NDUFA10: variants seen among roughly 807,000 people sequenced by gnomAD.
NDUFA10 encodes NADH dehydrogenase [ubiquinone] 1 alpha subcomplex subunit 10, mitochondrial.
NDUFA10 carries 40 observed loss-of-function variants against 47.8 expected under a neutral mutation model. The observed-to-expected ratio is 0.84, with a 90% CI of 0.65 to 1.09. The LOEUF (loss-of-function observed/expected upper bound fraction) is 1.09. Ranked by LOEUF, NDUFA10 falls within the 50% of genes least tolerant of loss-of-function variation. The probability of loss-of-function intolerance (pLI) is 0.00; values close to 1 mark genes in which losing one functional copy is unlikely to be tolerated. For missense variants in NDUFA10, 413 were observed against 451.1 expected, an observed-to-expected ratio of 0.92 and a Z score of 0.76; for synonymous variants, 183 against 172.2, an observed-to-expected ratio of 1.06 and a Z score of -0.49.
At chr2:239,952,162 T>A (rs1003680491) in intron 4 of NDUFA10, among the ~76,000 whole-genome samples, 17 of 140,172 alleles carry the variant, frequency 1.2e-4, no homozygotes, top group Non-Finnish European at 2.1e-4. Flanking sequence ...CGTCCTGGAA[T>A]GGGGGCTTGG....
intron 9 of NDUFA10, among the ~76,000 whole-genome samples, chr2:239,972,372 CCTCT>C (rs1490045938): frequency 6.6e-6 from 1 of 152,062 alleles, no homozygotes; most frequent in African/African-American, 2.4e-5. Context: ...GACTGGCTCC[CCTCT>C]CTCTAGATGC....
intron 4 of NDUFA10, among the ~76,000 whole-genome samples, chr2:239,922,513 G>A (rs538184274): frequency 1.3e-5 from 2 of 152,338 alleles, no homozygotes; most frequent in South Asian, 4.1e-4. Context: ...TTCTCGGATA[G>A]TGACCATGTG....
In NDUFA10 at chr2:239,960,715, G is replaced by T; in HGVS notation, c.*403C>A. On this transcript the variant is annotated 3_prime_UTR_variant, in exon 10 of 10. Coordinates refer to ENST00000252711, the MANE Select transcript of NDUFA10 (RefSeq NM_004544.4). ...GTGTGCAGTTTCGACGTGCCCGCAC[G>T]CACATAGACGTACGATGGGGAAATT... The T allele has an allele frequency of 8.6e-7, 1 of 1,169,514 alleles. No homozygotes were observed. The highest frequency in any genetic ancestry group is 1.8e-5 in the South Asian group (1 of 56,112). The allele number at this position is 1,169,514 out of a possible 1,614,324, so 72.4% of individuals were successfully genotyped here. A position where few individuals can be genotyped will look rare whatever the true frequency, so the allele number is the denominator to read the frequency against.
At chr2:239,934,821 G>C (rs1293235596) in intron 4 of NDUFA10, among the ~76,000 whole-genome samples, 1 of 152,046 alleles carries the variant, frequency 6.6e-6, no homozygotes, top group Non-Finnish European at 1.5e-5. Flanking sequence ...GCATGGACCA[G>C]CCACCTCCGC....
rs570086172 is a variant in NDUFA10, at chr2:240,014,971, G to A, written c.548-111C>T. 86 of 1,456,136 alleles carry A rather than the reference G, an allele frequency of 5.9e-5. 2 individuals are homozygous for A. In the South Asian group the frequency reaches 7.6e-4, roughly 13 times the overall value. The allele number at this position is 1,456,136 out of a possible 1,614,324, so 90.2% of individuals were successfully genotyped here. A position where few individuals can be genotyped will look rare whatever the true frequency, so the allele number is the denominator to read the frequency against. Reference sequence around the variant, plus strand: ...ACATACACGCAATTCTCAAAGCCACGTACCAATCTACAAACCCTATCTCGG... The same window carrying A: ...ACATACACGCAATTCTCAAAGCCACATACCAATCTACAAACCCTATCTCGG... On this transcript the variant is annotated intron_variant, in intron 4 of 9. Coordinates refer to ENST00000252711, the MANE Select transcript of NDUFA10 (RefSeq NM_004544.4).
At chr2:239,946,952 C>T (rs1006610913) in intron 4 of NDUFA10, among the ~76,000 whole-genome samples, 12 of 152,210 alleles carry the variant, frequency 7.9e-5, no homozygotes, top group South Asian at 2.1e-4. Context: ...ACAGGGTTGG[C>T]GGAAGGAGGG....
chr2:239,953,345 T>G (rs1287801702), downstream of NDUFA10, among the ~76,000 whole-genome samples: 3 of 152,222 alleles, frequency 2.0e-5, no homozygotes, highest in African/African-American at 7.2e-5. Context: ...GGACCAGCCC[T>G]GCTGACACCT....
At chr2:239,911,295 C>T (rs748483830) in intron 4 of NDUFA10, among the ~76,000 whole-genome samples, 22 of 152,124 alleles carry the variant, frequency 1.4e-4, no homozygotes, top group African/African-American at 3.4e-4. Flanking sequence ...AGGAAATTTG[C>T]GTCCCCCAGG....
At chr2:239,910,207 G>A (rs141342730) in intron 4 of NDUFA10, among the ~76,000 whole-genome samples, 5,256 of 152,176 alleles carry the variant, frequency 0.035, 230 homozygotes, top group East Asian at 0.1. Flanking sequence ...CAGCAATCCT[G>A]TTACTGCATA....
intron 5 of NDUFA10, among the ~76,000 whole-genome samples, chr2:239,894,686 C>T (rs575032710): frequency 6.6e-6 from 1 of 152,184 alleles, no homozygotes; most frequent in Non-Finnish European, 1.5e-5. Context: ...CTGCATTCCT[C>T]CGTCTCTGTG....
intron 4 of NDUFA10, among the ~76,000 whole-genome samples, chr2:239,934,914 C>T (rs1185650068): frequency 6.6e-6 from 1 of 152,238 alleles, no homozygotes; most frequent in African/African-American, 2.4e-5. Context: ...CAAGCTCCCA[C>T]TGGGGCCTAG....
chr2:240,025,298 C>CCATG lies in NDUFA10; in HGVS notation c.-1_3dup (p.Ala2HisfsTer30). 1 of 1,505,958 alleles carries CCATG rather than the reference C, an allele frequency of 6.6e-7. No individual in the cohort carries two copies. The highest frequency in any genetic ancestry group is 8.8e-7 in the Non-Finnish European group (1 of 1,130,944). The allele number at this position is 1,505,958 out of a possible 1,614,324, so 93.3% of individuals were successfully genotyped here. The stretch of plus-strand genomic sequence containing the variant: ...GCTGCCAGCTTCAGGAGCCGCAAGG[C>CCATG]CATGGCTACCCGGTCAGCTCAGGAT... On this transcript the variant is annotated frameshift_variant, in exon 1 of 10. Coordinates refer to ENST00000252711, the MANE Select transcript of NDUFA10 (RefSeq NM_004544.4). LOFTEE classifies it high-confidence loss of function.
chr2:239,903,039 C>T (rs6732040), intron 4 of NDUFA10, among the ~76,000 whole-genome samples: 2,413 of 152,274 alleles, frequency 0.016, 35 homozygotes, highest in Non-Finnish European at 0.027. Context: ...AAGGCAGGCC[C>T]GGAACTCACA....
intron 4 of NDUFA10, among the ~76,000 whole-genome samples, chr2:239,938,975 G>A (rs1221281437): frequency 5.9e-5 from 9 of 152,246 alleles, no homozygotes; most frequent in East Asian, 3.9e-4. Flanking sequence ...GCTGCCTCAC[G>A]AGGCCCCGCA....
intron 4 of NDUFA10, among the ~76,000 whole-genome samples, chr2:239,932,367 A>T (rs1183721978): frequency 1.3e-5 from 2 of 152,148 alleles, no homozygotes; most frequent in African/African-American, 4.8e-5. Context: ...CATTTAAAAA[A>T]CTACTTTCCA....
chr2:239,989,980 A>G lies in NDUFA10; in HGVS notation c.999+94T>C. 3.3e-6 allele frequency: 3 copies of G among 911,412 alleles called. 1 individual carries two copies. The highest frequency in any genetic ancestry group is 5.5e-6 in the Non-Finnish European group (3 of 546,236). The allele number at this position is 911,412 out of a possible 1,614,324, so 56.5% of individuals were successfully genotyped here. On this transcript the variant is annotated intron_variant, in intron 9 of 9. Transcript: ENST00000252711. ...TCACTAAAACAAACAAAACACAGCA[A>G]CAACAAAAACTCCTTTCTGGAGAAG...
rs865934533 is a variant in NDUFA10, at chr2:239,945,133, C to G, written c.294+44941G>C. 1.3e-5 allele frequency among the ~76,000 whole-genome samples: 2 copies of G among 152,268 alleles called. No homozygotes were observed. Among genetic ancestry groups the G allele is most frequent in the Middle Eastern group, 6.8e-3 (2 of 292 alleles). On this transcript the variant is annotated intron_variant, in intron 4 of 5. Coordinates refer to the NDUFA10 transcript ENST00000419408. This position sits in a 1 kb window ranked among gnomAD's most constrained non-coding sequence, Gnocchi z 4.6. ...CTCTACAGAAACCCAGGCACGTGTA[C>G]AGCCATCAGAGCCCCGGCACCCCTC...
intron 4 of NDUFA10, among the ~76,000 whole-genome samples, chr2:239,942,733 C>G (rs912347101): frequency 2.6e-5 from 4 of 152,094 alleles, no homozygotes; most frequent in African/African-American, 7.2e-5. Context: ...GGGACGTTTG[C>G]CTGTCACTTG....
downstream of NDUFA10, among the ~76,000 whole-genome samples, chr2:239,952,828 T>G (rs1454057996): frequency 6.6e-6 from 1 of 152,246 alleles, no homozygotes; most frequent in East Asian, 1.9e-4. Context: ...AAGGCAGGGC[T>G]GCTCACAGCT....
Sources: allele counts gnomAD v4.1 joint callset (sites outside exome capture counted in the v4.1 genomes callset), GRCh38; gene constraint gnomAD v4.1.1; non-coding constraint Gnocchi (gnomAD v3.1); transcripts MANE v1.5; gene names NCBI Gene and HGNC (gene_info 2026-07-23, HGNC 2026-07-21).